TRMU: variants seen among roughly 807,000 people sequenced by gnomAD.
The protein encoded by TRMU is mitochondrial tRNA-specific 2-thiouridylase 1.
Under a neutral mutation model 46.9 loss-of-function variants are expected in TRMU, and 49 were observed. The ratio of observed to expected loss-of-function variants is 1.05; its 90% confidence interval spans 0.83 to 1.33. TRMU has a LOEUF of 1.33. TRMU is among the 40% of genes most tolerant of loss of function. The probability of loss-of-function intolerance (pLI) is 0.00; values close to 1 mark genes in which losing one functional copy is unlikely to be tolerated. For missense variants in TRMU, 572 were observed against 532.4 expected, an observed-to-expected ratio of 1.07 and a Z score of -0.73; for synonymous variants, 241 against 200.9, an observed-to-expected ratio of 1.20 and a Z score of -1.69.
chr22:46,335,799 C>G lies in TRMU; in HGVS notation c.35C>G (p.Ser12Cys), dbSNP rs761904190. ...QALRHVVCAL[S>C]GGVDSAVAAL... ...TTGCGGCACGTCGTGTGCGCCCTGT[C>G]CGGCGGCGTGGACAGCGCCGTGGCC... Residue 12 changes from serine to cysteine, a missense_variant, in exon 1 of 11, where the codon TCC becomes TGC. Coordinates refer to ENST00000645190, the MANE Select transcript of TRMU (RefSeq NM_018006.5). The G allele has an allele frequency of 6.4e-7, 1 of 1,562,788 alleles. No individual in the cohort carries two copies. Among genetic ancestry groups the G allele is most frequent in the South Asian group, 1.2e-5 (1 of 86,096 alleles).
At chr22:46,355,353 T>G in intron 8 of TRMU, 91 bp from the exon 9 acceptor site, 1 of 1,543,252 alleles carries the variant, frequency 6.5e-7, no homozygotes, top group African/African-American at 1.4e-5. Flanking sequence ...GTGTGTGTGC[T>G]GGTAGGACAG....
intron 7 of TRMU, 100 bp from the exon 8 acceptor site, chr22:46,353,667 C>T (rs1474014809): frequency 2.8e-6 from 3 of 1,076,490 alleles, no homozygotes; most frequent in Non-Finnish European, 4.3e-6. Context: ...ATTGCTGGGC[C>T]TGCTCTGGGC....
At chr22:46,356,151 G>A in intron 10 of TRMU, 79 bp downstream of exon 10, 1 of 1,536,650 alleles carries the variant, frequency 6.5e-7, no homozygotes, top group African/African-American at 1.4e-5. Flanking sequence ...TACAGAGGAA[G>A]GGGCTGAGGC....
chr22:46,355,773 G>A, intron 9 of TRMU, 185 bp downstream of exon 9: 1 of 1,147,814 alleles, frequency 8.7e-7, no homozygotes, highest in Non-Finnish European at 1.3e-6. Flanking sequence ...GGGGGTGCTG[G>A]GAGCAGATGC....
chr22:46,350,545 C>T lies in TRMU; in HGVS notation c.651+82C>T. The T allele has an allele frequency of 6.5e-7, 1 of 1,539,330 alleles. No individual in the cohort carries two copies. The highest frequency in any genetic ancestry group is 9.0e-7 in the Non-Finnish European group (1 of 1,116,830). ...CACGGAGCAGCTGGACCTGTGGGTC[C>T]CGCACCACTTCCCCTTCTCCAGGAC... On this transcript the variant is annotated intron_variant, in intron 5 of 10. Coordinates refer to ENST00000645190, the MANE Select transcript of TRMU (RefSeq NM_018006.5). The surrounding 1 kb of genome is among the most constrained non-coding windows in gnomAD (Gnocchi z 4.6).
At chr22:46,354,870 C>T (rs1436270777) in intron 8 of TRMU, 1 of 160,232 alleles carries the variant, frequency 6.2e-6, no homozygotes, top group African/African-American at 2.4e-5. Context: ...TCTCAATGGC[C>T]CGAGGCCATG....
intron 9 of TRMU, 123 bp from the exon 10 acceptor site, chr22:46,355,867 C>T: frequency 8.4e-7 from 1 of 1,189,870 alleles, no homozygotes; most frequent in South Asian, 1.3e-5. Flanking sequence ...AGGCTGGTGC[C>T]CTGCCCTTCC....
rs775079522 is a variant in TRMU, at chr22:46,335,730, G to A, written c.-35G>A. 2.4e-5 allele frequency: 37 copies of A among 1,540,758 alleles called. No individual in the cohort carries two copies. The South Asian group carries it at 4.0e-4, about 17-fold the overall frequency. ...ACTTCCGGCAAGGCGCGGAAGCGGC[G>A]GTAGCTGCAGCTGGCGAAGTTGGGC... On this transcript the variant is annotated 5_prime_UTR_variant, in exon 1 of 11. Coordinates refer to ENST00000645190, the MANE Select transcript of TRMU (RefSeq NM_018006.5).
At chr22:46,343,537 C>A (rs1406467972) in intron 3 of TRMU, among the ~76,000 whole-genome samples, 169 bp downstream of exon 3, 1 of 152,070 alleles carries the variant, frequency 6.6e-6, no homozygotes, top group East Asian at 1.9e-4. Context: ...AGGCATGCCA[C>A]CATGGTGGCT....
chr22:46,349,414 ACTAG>A lies in TRMU; in HGVS notation c.479-873_479-870del, dbSNP rs1443101137. Among the ~76,000 whole-genome samples the A allele has an allele frequency of 5.9e-5, 9 of 152,228 alleles. No individual in the cohort carries two copies. The highest frequency in any genetic ancestry group is 7.3e-5 in the Non-Finnish European group (5 of 68,046). On this transcript the variant is annotated intron_variant, in intron 4 of 10. Transcript: ENST00000645190. This position sits in a 1 kb window ranked among gnomAD's most constrained non-coding sequence, Gnocchi z 4.6. ...ACGTGGGAATCGGCAGATGGAAAACACTAGCTACGCAGAGTGTGTACTGTACACG... is the reference window on the plus strand; with the variant it reads ...ACGTGGGAATCGGCAGATGGAAAACACTACGCAGAGTGTGTACTGTACACG...
At chr22:46,356,711 C>A in intron 10 of TRMU, 131 bp from the exon 11 acceptor site, 1 of 1,126,584 alleles carries the variant, frequency 8.9e-7, no homozygotes, top group Non-Finnish European at 1.3e-6. Flanking sequence ...AGCAGCAAAA[C>A]CCTGCTCCCC....
intron 3 of TRMU, among the ~76,000 whole-genome samples, chr22:46,345,147 T>G (rs917293866): frequency 6.6e-6 from 1 of 151,826 alleles, no homozygotes; most frequent in Non-Finnish European, 1.5e-5. Context: ...CTCGGCTCAC[T>G]GCAACCTCCA....
chr22:46,349,180 C>T lies in TRMU; in HGVS notation c.479-1111C>T, dbSNP rs1269593848. On this transcript the variant is annotated intron_variant, in intron 4 of 10. Transcript: ENST00000645190. This position sits in a 1 kb window ranked among gnomAD's most constrained non-coding sequence, Gnocchi z 4.6. ...TGGACTCTGGAAAGTGCTCTGCTTC[C>T]GTGGCGACTGGTCGGCTGAACTTGG... 1.3e-5 allele frequency among the ~76,000 whole-genome samples: 2 copies of T among 151,882 alleles called. No individual in the cohort carries two copies. Among genetic ancestry groups the T allele is most frequent in the African/African-American group, 4.8e-5 (2 of 41,372 alleles).
intron 2 of TRMU, among the ~76,000 whole-genome samples, chr22:46,340,448 T>G (rs1162491892): frequency 6.6e-6 from 1 of 152,198 alleles, no homozygotes; most frequent in African/African-American, 2.4e-5. Context: ...GGATGCGATT[T>G]TTGAAGTTTA....
At chr22:46,353,009 G>A (rs974774789) in intron 7 of TRMU, 2 of 166,440 alleles carry the variant, frequency 1.2e-5, no homozygotes, top group Admixed American at 5.5e-5. Context: ...TGCAGCTCAG[G>A]TGTAGGGCGT....
At position 46,353,843 on chromosome 22, in the gene TRMU, C is replaced by G; in HGVS notation, c.849C>G (p.Asp283Glu). The part of the protein sequence containing the change: ...LREPWYVVEK[D>E]SVKGDVFVAP... Reference sequence around the variant, plus strand: ...AGCCCTGGTACGTGGTGGAGAAGGACAGCGTCAAGGGTGACGTGTTTGTGG... The same window carrying G: ...AGCCCTGGTACGTGGTGGAGAAGGAGAGCGTCAAGGGTGACGTGTTTGTGG... The change falls in exon 8 of 11, where the codon GAC becomes GAG. Residue 283 changes from aspartate to glutamate, a missense_variant. Transcript: ENST00000645190. 1 of 1,613,908 alleles carries G rather than the reference C, an allele frequency of 6.2e-7. No individual in the cohort carries two copies.
intron 1 of TRMU, 98 bp from the exon 2 acceptor site, chr22:46,337,673 GGCACAGGA>G: frequency 6.8e-7 from 1 of 1,460,994 alleles, no homozygotes. Context: ...CAGGCACAGA[GGCACAGGA>G]GCACAGCGTG....
intron 4 of TRMU, among the ~76,000 whole-genome samples, chr22:46,346,969 G>A (rs1168911332): frequency 1.3e-5 from 2 of 152,272 alleles, no homozygotes; most frequent in Non-Finnish European, 2.9e-5. Flanking sequence ...CACAGGACCT[G>A]CTGTGGATCG....
At chr22:46,345,321 C>T (rs1264692670) in intron 3 of TRMU, among the ~76,000 whole-genome samples, 3 of 152,202 alleles carry the variant, frequency 2.0e-5, no homozygotes, top group Non-Finnish European at 2.9e-5. Context: ...GATCCACCCA[C>T]ATCGGCCTCC....
Sources: allele counts gnomAD v4.1 joint callset (sites outside exome capture counted in the v4.1 genomes callset), GRCh38; gene constraint gnomAD v4.1.1; non-coding constraint Gnocchi (gnomAD v3.1); transcripts MANE v1.5; gene names NCBI Gene and HGNC (gene_info 2026-07-23, HGNC 2026-07-21).